FANCE: variants seen among roughly 807,000 people sequenced by gnomAD.
The protein encoded by FANCE is Fanconi anemia group E protein.
In FANCE, 42 loss-of-function variants were observed where a neutral mutation model predicts 57.8. The observed-to-expected ratio is 0.73, with a 90% CI of 0.57 to 0.94. The LOEUF is 0.94. FANCE is among the 40% of genes least tolerant of loss of function. The pLI, the probability that FANCE is intolerant of heterozygous loss-of-function variation, is 0.00. For missense variants in FANCE, 608 were observed against 661.8 expected (o/e 0.92, Z 0.89); for synonymous variants, 251 against 286.4 (o/e 0.88, Z 1.25).
chr6:35,454,679 G>A (rs1767253372), intron 1 of FANCE, among the ~76,000 whole-genome samples: 1 of 152,212 alleles, frequency 6.6e-6, no homozygotes, highest in Non-Finnish European at 1.5e-5. Context: ...AGAAAAGCTG[G>A]GTGCTTGCAG....
rs1767440781 is a variant in FANCE, at chr6:35,458,421, G to A, written c.1094G>A (p.Arg365Lys). 1 of 1,614,164 alleles carries A rather than the reference G, an allele frequency of 6.2e-7. No homozygotes were observed. Among genetic ancestry groups the A allele is most frequent in the Non-Finnish European group, 8.5e-7 (1 of 1,180,026 alleles). Reference sequence around the variant, plus strand: ...CTCAGCAATGCTACTGTGCTGACCAGAAGCCTCTTTCTTGGACGGGTAGGT... The same window carrying A: ...CTCAGCAATGCTACTGTGCTGACCAAAAGCCTCTTTCTTGGACGGGTAGGT... ...LSLSNATVLT[R>K]SLFLGRILSL... The change falls in exon 5 of 10, where the codon AGA becomes AAA. Residue 365 changes from arginine (R) to lysine (K), a missense_variant. Transcript: ENST00000229769.
Position 35,456,222 on chromosome 6 carries a change from C to T in FANCE, c.724C>T (p.Leu242=). Residue 242 remains leucine, a synonymous_variant, in exon 2 of 10, where the codon CTG becomes TTG. Transcript: ENST00000229769. The surrounding 1 kb of genome is among the most constrained non-coding windows in gnomAD (Gnocchi z 4.3). The part of the protein sequence containing the change: ...ERPEHKSLES[L]ADGGSASPIK... ...ACCCGAACATAAGTCACTGGAATCC[C>T]TGGCAGATGGAGGAAGTGCATCTCC... 2 of 1,614,132 alleles carry T rather than the reference C, an allele frequency of 1.2e-6. No homozygotes were observed. The highest frequency in any genetic ancestry group is 1.1e-5 in the South Asian group (1 of 91,084).
chr6:35,452,847 G>A, intron 1 of FANCE, 54 bp downstream of exon 1: 1 of 1,277,310 alleles, frequency 7.8e-7, no homozygotes, highest in Non-Finnish European at 9.9e-7. Flanking sequence ...GGGCTGTCGG[G>A]GGAACGACAC....
chr6:35,462,874 C>T lies in FANCE; in HGVS notation c.1469C>T (p.Ala490Val). ...GCAGCCACCACCTCCATGGCCTATG[C>T]CAAGCTCATGCTGACAGTGATGACC... The part of the protein sequence containing the change: ...GLAATTSMAY[A>V]KLMLTVMTKY... Residue 490 changes from alanine to valine, a missense_variant, in exon 9 of 10, where the codon GCC becomes GTC. Coordinates refer to ENST00000229769, the MANE Select transcript of FANCE (RefSeq NM_021922.3). 6.2e-7 allele frequency: 1 copy of T among 1,614,222 alleles called. No individual in the cohort carries two copies. Among genetic ancestry groups the T allele is most frequent in the South Asian group, 1.1e-5 (1 of 91,084 alleles).
chr6:35,463,545 A>G (rs1303748801), intron 9 of FANCE, among the ~76,000 whole-genome samples: 1 of 152,126 alleles, frequency 6.6e-6, no homozygotes, highest in Non-Finnish European at 1.5e-5. Context: ...CAGATAACAG[A>G]TATTAGAAGT....
In FANCE at chr6:35,456,144, G is replaced by A; in HGVS notation, c.646G>A (p.Val216Ile). 6.2e-7 allele frequency: 1 copy of A among 1,614,110 alleles called. No homozygotes were observed. The highest frequency in any genetic ancestry group is 8.5e-7 in the Non-Finnish European group (1 of 1,180,012). Reference sequence around the variant, plus strand: ...GGCTGCCAGTCCTGAGGGGAAGAGGGTCCCCAAAAGATTACGGTGTTGGGA... The same window carrying A: ...GGCTGCCAGTCCTGAGGGGAAGAGGATCCCCAAAAGATTACGGTGTTGGGA... Reference protein sequence around the residue: ...EEAASPEGKRVPKRLRCWEEE... With the variant: ...EEAASPEGKRIPKRLRCWEEE... The change falls in exon 2 of 10, where the codon GTC (valine) becomes ATC (isoleucine). Residue 216 changes from valine (V) to isoleucine (I), a missense_variant. Transcript: ENST00000229769. The surrounding 1 kb of genome is among the most constrained non-coding windows in gnomAD (Gnocchi z 4.3).
At position 35,456,278 on chromosome 6, in the gene FANCE, G is replaced by C. The variant is rs886248277; in HGVS notation, c.780G>C (p.Lys260Asn). The C allele has an allele frequency of 6.2e-7, 1 of 1,614,220 alleles. No individual in the cohort carries two copies. Among genetic ancestry groups the C allele is most frequent in the East Asian group, 2.2e-5 (1 of 44,880 alleles). ...AGGACCAGCCTGTCATGGCAGTTAA[G>C]ACTGGCGAGGACGGTTCGAATCTGG... ...PIKDQPVMAV[K>N]TGEDGSNLDD... is the part of the protein sequence containing the mutation. The change falls in exon 2 of 10, where the codon AAG becomes AAC. Residue 260 changes from lysine (K) to asparagine (N), a missense_variant. Transcript: ENST00000229769. This position sits in a 1 kb window ranked among gnomAD's most constrained non-coding sequence, Gnocchi z 4.3.
chr6:35,458,417 A>G lies in FANCE; in HGVS notation c.1090A>G (p.Thr364Ala). Residue 364 changes from threonine (T) to alanine (A), a missense_variant, in exon 5 of 10, where the codon ACC becomes GCC. Physicochemically the swap from Thr to Ala is moderately conservative, Grantham distance 58. Coordinates refer to ENST00000229769, the MANE Select transcript of FANCE (RefSeq NM_021922.3). The part of the protein sequence containing the change: ...DLSLSNATVL[T>A]RSLFLGRILS... ...CAGCCTCAGCAATGCTACTGTGCTG[A>G]CCAGAAGCCTCTTTCTTGGACGGGT... 6.2e-7 allele frequency: 1 copy of G among 1,614,110 alleles called. No individual in the cohort carries two copies. The highest frequency in any genetic ancestry group is 8.5e-7 in the Non-Finnish European group (1 of 1,180,024).
chr6:35,462,627 C>T (rs1318485077), intron 8 of FANCE, among the ~76,000 whole-genome samples, 162 bp from the exon 9 acceptor site: 1 of 152,130 alleles, frequency 6.6e-6, no homozygotes, highest in Non-Finnish European at 1.5e-5. Context: ...ATATCCTGAG[C>T]CTCATTTTAT....
Position 35,459,418 on chromosome 6 carries a change from G to T in FANCE, c.1201G>T (p.Ala401Ser). 2 of 1,613,994 alleles carry T rather than the reference G, an allele frequency of 1.2e-6. No homozygotes were observed. Among genetic ancestry groups the T allele is most frequent in the Middle Eastern group, 1.6e-4 (1 of 6,062 alleles). ...CAAATATACATACCCTGTCTGCAGCGCCCTCCTTGACCCTGTGCTCCAGGC... is the reference window on the plus strand; with the variant it reads ...CAAATATACATACCCTGTCTGCAGCTCCCTCCTTGACCCTGTGCTCCAGGC... ...CAKYTYPVCS[A>S]LLDPVLQAPG... is the part of the protein sequence containing the mutation. Residue 401 changes from alanine to serine, a missense_variant, in exon 6 of 10, where the codon GCC becomes TCC. By Grantham distance (99) the Ala-to-Ser change is moderately conservative. Coordinates refer to ENST00000229769, the MANE Select transcript of FANCE (RefSeq NM_021922.3).
At chr6:35,455,675 C>CG in intron 1 of FANCE, 72 bp from the exon 2 acceptor site, 1 of 1,585,170 alleles carries the variant, frequency 6.3e-7, no homozygotes, top group Non-Finnish European at 8.6e-7. Flanking sequence ...ATCTAGCCCC[C>CG]AGCTCTGCCC....
At chr6:35,463,047 T>C in intron 9 of FANCE, 133 bp downstream of exon 9, 1 of 1,275,074 alleles carries the variant, frequency 7.8e-7, no homozygotes, top group Non-Finnish European at 1.1e-6. Flanking sequence ...ACGCCTGTAA[T>C]CTCAGCACTT....
intron 1 of FANCE, among the ~76,000 whole-genome samples, chr6:35,453,105 A>G (rs1037326399): frequency 2.6e-5 from 4 of 151,864 alleles, no homozygotes; most frequent in African/African-American, 7.2e-5. Context: ...AAGTGTACAC[A>G]TGTGTTAAAA....
At position 35,456,384 on chromosome 6, in the gene FANCE, G is replaced by A. The variant is rs1464641128; in HGVS notation, c.855+31G>A. 1 of 1,614,130 alleles carries A rather than the reference G, an allele frequency of 6.2e-7. No homozygotes were observed. Among genetic ancestry groups the A allele is most frequent in the East Asian group, 2.2e-5 (1 of 44,878 alleles). ...TTGGTAGGGAGACTGGGTTTAGAGTGATCTTTCAGCAGTGGTGGCTTTATC... is the reference window on the plus strand; with the variant it reads ...TTGGTAGGGAGACTGGGTTTAGAGTAATCTTTCAGCAGTGGTGGCTTTATC... On this transcript the variant is annotated intron_variant, in intron 2 of 9. Transcript: ENST00000229769. The surrounding 1 kb of genome is among the most constrained non-coding windows in gnomAD (Gnocchi z 4.3).
rs771767241 is a variant in FANCE, at chr6:35,456,159, C to T, written c.661C>T (p.Arg221Trp). 176 of 1,613,954 alleles carry T rather than the reference C, an allele frequency of 1.1e-4. No homozygotes were observed. The highest frequency in any genetic ancestry group is 1.4e-4 in the Non-Finnish European group (165 of 1,180,014). ...PEGKRVPKRL[R>W]CWEEEEDHEK... The stretch of plus-strand genomic sequence containing the variant: ...GGGGAAGAGGGTCCCCAAAAGATTA[C>T]GGTGTTGGGAAGAGGAAGAAGATCA... Residue 221 changes from arginine (R) to tryptophan (W), a missense_variant, in exon 2 of 10, where the codon CGG becomes TGG. By Grantham distance (101) the Arg-to-Trp change is moderately radical. Coordinates refer to ENST00000229769, the MANE Select transcript of FANCE (RefSeq NM_021922.3). This position sits in a 1 kb window ranked among gnomAD's most constrained non-coding sequence, Gnocchi z 4.3.
At chr6:35,460,836 G>T (rs958210116) in intron 8 of FANCE, among the ~76,000 whole-genome samples, 1 of 152,134 alleles carries the variant, frequency 6.6e-6, no homozygotes, top group Non-Finnish European at 1.5e-5. Context: ...CTTACCAGCT[G>T]GGGGGGCCTT....
intron 1 of FANCE, among the ~76,000 whole-genome samples, chr6:35,455,352 G>C (rs1767279818): frequency 6.6e-6 from 1 of 151,638 alleles, no homozygotes; most frequent in Admixed American, 6.6e-5. Flanking sequence ...TTGTTGCCCA[G>C]GCTGGAGTGC....
At chr6:35,459,634 C>T in intron 6 of FANCE, 48 bp from the exon 7 acceptor site, 1 of 1,597,618 alleles carries the variant, frequency 6.3e-7, no homozygotes, top group Non-Finnish European at 8.6e-7. Context: ...TTTCTGCTGT[C>T]TTCTGCCATT....
In FANCE at chr6:35,455,890, C is replaced by G; in HGVS notation, c.392C>G (p.Ala131Gly). 6.2e-7 allele frequency: 1 copy of G among 1,614,166 alleles called. No homozygotes were observed. The highest frequency in any genetic ancestry group is 8.5e-7 in the Non-Finnish European group (1 of 1,180,042). ...AQQDLAPDPD[A>G]WLRALGELLR... Reference sequence around the variant, plus strand: ...CAGGACCTAGCCCCTGACCCAGATGCCTGGCTCCGTGCCCTGGGGGAATTG... The same window carrying G: ...CAGGACCTAGCCCCTGACCCAGATGGCTGGCTCCGTGCCCTGGGGGAATTG... The change falls in exon 2 of 10, where the codon GCC becomes GGC. Residue 131 changes from alanine (A) to glycine (G), a missense_variant. Ala to Gly is a moderately conservative substitution (Grantham distance 60). Coordinates refer to ENST00000229769, the MANE Select transcript of FANCE (RefSeq NM_021922.3).
Sources: gnomAD v4.1 joint callset for allele counts (sites outside exome capture counted in the v4.1 genomes callset) on GRCh38, gnomAD v4.1.1 for gene constraint, Gnocchi (gnomAD v3.1) non-coding constraint, MANE v1.5 for transcripts, NCBI Gene and HGNC (gene_info 2026-07-23, HGNC 2026-07-21) for gene names.